The following VPS13C variants were observed in gnomAD, a reference collection of about 807,000 sequenced individuals.
VPS13C encodes vacuolar protein sorting 13 homolog C, also known as intermembrane lipid transfer protein VPS13C.
VPS13C carries 358 observed loss-of-function variants against 456.8 expected under a neutral mutation model. The observed-to-expected ratio is 0.78, with a 90% CI of 0.72 to 0.86. The LOEUF (loss-of-function observed/expected upper bound fraction) is 0.86. Among genes scored for constraint, VPS13C ranks in the 40% least tolerant of loss-of-function variants. The pLI is 0.00. For synonymous variants in VPS13C, 1,578 were observed against 1,486.7 expected, an observed-to-expected ratio of 1.06 and a Z score of -1.41; for missense variants, 4,818 against 4,385.4, an observed-to-expected ratio of 1.10 and a Z score of -2.79.
chr15:61,969,267 T>A (rs772025290), intron 28 of VPS13C, 32 bp downstream of exon 28: 1 of 1,478,098 alleles, frequency 6.8e-7, no homozygotes, highest in South Asian at 1.3e-5. Flanking sequence ...ATCTTTATTA[T>A]AGGCTATTAT....
intron 58 of VPS13C, 45 bp from the exon 59 acceptor site, chr15:61,918,302 T>C: frequency 6.8e-7 from 1 of 1,474,400 alleles, no homozygotes; most frequent in Non-Finnish European, 9.1e-7. Context: ...GATATGTAAG[T>C]TCGAAAGAAA....
At chr15:62,019,911 C>T (rs2047395222) in intron 9 of VPS13C, among the ~76,000 whole-genome samples, 1 of 151,092 alleles carries the variant, frequency 6.6e-6, no homozygotes, top group African/African-American at 2.4e-5. Flanking sequence ...TGTTTCCTAC[C>T]ACTTAGTTGC....
intron 40 of VPS13C, 32 bp from the exon 41 acceptor site, chr15:61,950,449 T>A: frequency 6.6e-7 from 1 of 1,519,480 alleles, no homozygotes; most frequent in Non-Finnish European, 9.1e-7. Context: ...ACCACTGAGT[T>A]TCAAACACTA....
At chr15:62,023,631 T>C in intron 7 of VPS13C, 111 bp from the exon 8 acceptor site, 1 of 1,102,440 alleles carries the variant, frequency 9.1e-7, no homozygotes, top group Non-Finnish European at 1.3e-6. Flanking sequence ...CAGCCAATAG[T>C]GTCTTTATTT....
At chr15:61,866,384 T>C in intron 81 of VPS13C, 1 of 983,332 alleles carries the variant, frequency 1.0e-6, no homozygotes, top group Non-Finnish European at 1.2e-6. Context: ...CAGAGAGTTA[T>C]AAAAAGATAT....
At position 61,909,082 on chromosome 15, in the gene VPS13C, G is replaced by A. The variant is rs537806661; in HGVS notation, c.8888C>T (p.Thr2963Ile). ...LVDVNTAEHSTVITFSDYHEG... is the reference protein window; with the variant it reads ...LVDVNTAEHSIVITFSDYHEG... Reference sequence around the variant, plus strand: ...ATGGTAATCAGAAAAAGTTATGACAGTTGAATGTTCGGCAGTGTTTACATC... The same window carrying A: ...ATGGTAATCAGAAAAAGTTATGACAATTGAATGTTCGGCAGTGTTTACATC... Residue 2963 changes from threonine to isoleucine, a missense_variant, in exon 65 of 85, where the codon ACT (threonine) becomes ATT (isoleucine). Thr to Ile is a moderately conservative substitution (Grantham distance 89). This residue lies in a region of VPS13C where 4,552 missense variants were observed against 4,130.6 expected (regional missense o/e 1.10). Transcript: ENST00000644861. 43 of 1,613,662 alleles carry A rather than the reference G, an allele frequency of 2.7e-5. No homozygotes were observed. The highest frequency in any genetic ancestry group is 1.6e-4 in the Middle Eastern group (1 of 6,062).
At chr15:61,924,355 C>G (rs906436505) in intron 53 of VPS13C, among the ~76,000 whole-genome samples, 1 of 152,226 alleles carries the variant, frequency 6.6e-6, no homozygotes, top group Non-Finnish European at 1.5e-5. Flanking sequence ...CCTGTGCTCC[C>G]AACTGCATCT....
At chr15:61,872,868 A>C (rs1895139568) in intron 78 of VPS13C, among the ~76,000 whole-genome samples, 1 of 152,142 alleles carries the variant, frequency 6.6e-6, no homozygotes, top group African/African-American at 2.4e-5. Flanking sequence ...AAAGTAATGA[A>C]AGGCAGTTCC....
chr15:62,053,888 C>G (rs2048705220), intron 1 of VPS13C, among the ~76,000 whole-genome samples: 1 of 152,170 alleles, frequency 6.6e-6, no homozygotes, highest in South Asian at 2.1e-4. Context: ...GCCACAGATT[C>G]TGAGGGCATT....
chr15:61,854,467 A>C lies in VPS13C; in HGVS notation c.11252T>G (p.Leu3751Trp). The stretch of plus-strand genomic sequence containing the variant: ...CCCTGAGGTCTGTGATTAAGATGGC[A>C]ATTGGGGTCTGAGAAGTCTCACTGA... ...QSSVRLLRPQLPS is the reference protein window; with the variant it reads ...QSSVRLLRPQWPS Residue 3751 changes from leucine (L) to tryptophan (W), a missense_variant, in exon 85 of 85, where the codon TTG (leucine) becomes TGG (tryptophan). By Grantham distance (61) the Leu-to-Trp change is moderately conservative (BLOSUM62 -2). Coordinates refer to ENST00000644861, the MANE Select transcript of VPS13C (RefSeq NM_020821.3). 6.2e-7 allele frequency: 1 copy of C among 1,614,086 alleles called. No homozygotes were observed. Among genetic ancestry groups the C allele is most frequent in the Non-Finnish European group, 8.5e-7 (1 of 1,179,954 alleles).
At chr15:61,996,990 C>CATATATATAT (rs1416476981) in intron 16 of VPS13C, among the ~76,000 whole-genome samples, 2,020 of 139,836 alleles carry the variant, frequency 0.014, 41 homozygotes, top group African/African-American at 0.043. Flanking sequence ...ATATATTTTA[C>CATATATATAT]ATACATACAT....
chr15:61,972,515 A>G, intron 27 of VPS13C, 110 bp downstream of exon 27: 1 of 1,183,172 alleles, frequency 8.5e-7, no homozygotes, highest in Non-Finnish European at 1.2e-6. Flanking sequence ...GCAGCAGGAA[A>G]GACAGAGTAC....
intron 6 of VPS13C, among the ~76,000 whole-genome samples, 167 bp from the exon 7 acceptor site, chr15:62,024,012 C>T (rs2047551129): frequency 6.6e-6 from 1 of 151,988 alleles, no homozygotes; most frequent in Admixed American, 6.6e-5. Context: ...AATTTACAAA[C>T]CTTCTTTAGT....
rs2045885148 is a variant in VPS13C at position 61,981,468 on chromosome 15, A to G, written c.2040T>C (p.His680=). 2 of 1,607,526 alleles carry G rather than the reference A, an allele frequency of 1.2e-6. No homozygotes were observed. The highest frequency in any genetic ancestry group is 2.7e-5 in the African/African-American group (2 of 74,482). Residue 680 remains histidine (H), a synonymous_variant, in exon 22 of 85, where the codon CAT becomes CAC. Transcript: ENST00000644861. The part of the protein sequence containing the change: ...IKERTATGLT[H]IIETRKVLDL... ...CAAGGACTTTTCGAGTTTCAATAAT[A>G]TGTGTAAGTCCTAAAGACGTAAGAA...
chr15:61,947,366 C>T (rs1238687555), intron 42 of VPS13C, 57 bp from the exon 43 acceptor site: 2 of 1,265,422 alleles, frequency 1.6e-6, no homozygotes, highest in African/African-American at 3.0e-5. Flanking sequence ...ACAACACATA[C>T]AATAACCTCA....
In VPS13C at chr15:61,862,068, C is replaced by A. The variant is rs1894255452; in HGVS notation, c.10952+1372G>T. ...TGAGCTGAGATCGCATCACTGGACT[C>A]CAGCCTGGGTGACGGAGTGAGACCC... is the stretch of plus-strand genomic sequence containing the variant. On this transcript the variant is annotated intron_variant, in intron 82 of 84. Transcript: ENST00000644861. Among the ~76,000 whole-genome samples, 3 of 151,638 alleles carry A rather than the reference C, an allele frequency of 2.0e-5. No individual in the cohort carries two copies. In the South Asian group the frequency reaches 6.2e-4, roughly 31 times the overall value.
intron 52 of VPS13C, 78 bp from the exon 53 acceptor site, chr15:61,925,626 A>T: frequency 9.4e-7 from 1 of 1,060,804 alleles, no homozygotes; most frequent in Non-Finnish European, 1.3e-6. Context: ...ACCATGTCTT[A>T]CTTAACTTGG....
intron 61 of VPS13C, 36 bp downstream of exon 61, chr15:61,915,597 T>C (rs1466463890): frequency 2.0e-6 from 3 of 1,521,510 alleles, no homozygotes; most frequent in Non-Finnish European, 2.6e-6. Flanking sequence ...ATTAGGAATT[T>C]ATCTGCTTTA....
At chr15:62,042,019 G>C (rs2048257979) in intron 2 of VPS13C, among the ~76,000 whole-genome samples, 1 of 151,890 alleles carries the variant, frequency 6.6e-6, no homozygotes, top group African/African-American at 2.4e-5. Context: ...TGAAATACTA[G>C]AACAGAAAAA....
Sources: gnomAD v4.1 joint callset for allele counts (sites outside exome capture counted in the v4.1 genomes callset) on GRCh38, gnomAD v4.1.1 for gene constraint, gnomAD v4.1.1 regional missense constraint, MANE v1.5 for transcripts, NCBI Gene and HGNC (gene_info 2026-07-23, HGNC 2026-07-21) for gene names.